The following PBRM1 variants were observed in gnomAD, a reference collection of about 807,000 sequenced individuals.
PBRM1 encodes the protein protein polybromo-1.
In PBRM1, 27 loss-of-function variants were observed where a neutral mutation model predicts 194.5. The observed-to-expected ratio is 0.14, with a 90% confidence interval of 0.10 to 0.19. The LOEUF is 0.19. PBRM1 is among the 10% of genes least tolerant of loss of function. The pLI is 1.00. For synonymous variants in PBRM1, 655 were observed against 693.2 expected (o/e 0.94, Z 0.87); for missense variants, 1,466 against 2,077.2 (o/e 0.71, Z 5.72).
At chr3:52,651,688 T>C in intron 6 of PBRM1, 54 bp downstream of exon 7, 2 of 1,017,874 alleles carry the variant, frequency 2.0e-6, no homozygotes, top group Non-Finnish European at 3.0e-6. Context: ...CTAGGAAAGA[T>C]CATAGGCCAA....
chr3:52,674,713 A>G (rs1488307273), intron 2 of PBRM1, among the ~76,000 whole-genome samples: 1 of 147,810 alleles, frequency 6.8e-6, no homozygotes, highest in Non-Finnish European at 1.5e-5. Context: ...TACATACGTT[A>G]TTTTTTAATA....
intron 11 of PBRM1, among the ~76,000 whole-genome samples, chr3:52,630,238 A>G (rs2095574279): frequency 6.6e-6 from 1 of 151,088 alleles, no homozygotes; most frequent in Non-Finnish European, 1.5e-5. Context: ...GGGGGGACAA[A>G]TCCCAGTACA....
chr3:52,663,066 T>C (rs11130314), intron 3 of PBRM1, among the ~76,000 whole-genome samples: 51,992 of 151,896 alleles, frequency 0.34, 9,915 homozygotes, highest in Admixed American at 0.46. Flanking sequence ...TTGGATGCAA[T>C]GTTCAAAAAA....
intron 17 of PBRM1, among the ~76,000 whole-genome samples, chr3:52,600,210 A>C (rs1039258422): frequency 6.6e-6 from 1 of 152,166 alleles, no homozygotes; most frequent in Non-Finnish European, 1.5e-5. Context: ...CTGGATGTCT[A>C]AATTTCTTGA....
chr3:52,589,487 C>A lies in PBRM1; in HGVS notation c.2780-232G>T, dbSNP rs186096618. On this transcript the variant is annotated intron_variant, in intron 17 of 29. Coordinates refer to ENST00000296302, the Ensembl canonical transcript of PBRM1. The stretch of plus-strand genomic sequence containing the variant: ...ATTAATTTAAATGAATATATAACTA[C>A]ACAAAGGATGTAGAGAATAAAAACA... Among the ~76,000 whole-genome samples, 24 of 152,268 alleles carry A rather than the reference C, an allele frequency of 1.6e-4. No individual in the cohort carries two copies. The East Asian group carries it at 4.2e-3, about 27-fold the overall frequency.
At chr3:52,644,354 C>T (rs13085775) in intron 8 of PBRM1, among the ~76,000 whole-genome samples, 69,182 of 151,812 alleles carry the variant, frequency 0.46, 16,107 homozygotes, top group African/African-American at 0.52. Flanking sequence ...ACCTAGAAAA[C>T]TCAGCAAATA....
intron 1 of PBRM1, among the ~76,000 whole-genome samples, chr3:52,679,281 G>T (rs1391649807): frequency 8.4e-6 from 1 of 119,358 alleles, no homozygotes; most frequent in African/African-American, 3.3e-5. Flanking sequence ...TGTGAAAAAT[G>T]GGCTTGTTTC....
chr3:52,618,935 G>A (rs146458415), intron 13 of PBRM1, among the ~76,000 whole-genome samples: 1 of 152,336 alleles, frequency 6.6e-6, no homozygotes, highest in African/African-American at 2.4e-5. Context: ...ATTTTTCGTA[G>A]ACAGGGTTTC....
At position 52,562,100 on chromosome 3, in the gene PBRM1, T is replaced by G. The variant is rs181897374; in HGVS notation, c.4087-132A>C. On this transcript the variant is annotated intron_variant, in intron 24 of 29. Transcript: ENST00000296302. ...ACTTTGGGGGGCCGAGACAGGTGGATCACAAGGTCAGGAGATTGAGACCAT... is the reference window on the plus strand; with the variant it reads ...ACTTTGGGGGGCCGAGACAGGTGGAGCACAAGGTCAGGAGATTGAGACCAT... 1,008 of 678,700 alleles carry G rather than the reference T, an allele frequency of 1.5e-3. 13 individuals are homozygous for G. In the African/African-American group the frequency reaches 0.017, roughly 11 times the overall value. The allele number at this position is 678,700 out of a possible 1,614,324, so 42.0% of individuals were successfully genotyped here.
intron 10 of PBRM1, among the ~76,000 whole-genome samples, chr3:52,640,151 GA>G (rs2096013209): frequency 6.6e-6 from 1 of 151,982 alleles, no homozygotes; most frequent in Admixed American, 6.6e-5. Context: ...ATCTCTGTTT[GA>G]AAGTCCATCT....
chr3:52,660,783 G>A (rs768967590), intron 4 of PBRM1, among the ~76,000 whole-genome samples: 1 of 152,132 alleles, frequency 6.6e-6, no homozygotes, highest in Non-Finnish European at 1.5e-5. Flanking sequence ...AAAGTGCTGG[G>A]ATTACAGGGG....
chr3:52,639,213 T>G (rs1038565235), intron 10 of PBRM1, among the ~76,000 whole-genome samples: 3 of 152,084 alleles, frequency 2.0e-5, no homozygotes, highest in Admixed American at 2.0e-4. Flanking sequence ...CAACGTCAGG[T>G]GATCTGCCCA....
At chr3:52,551,865 T>C (rs931270432) in intron 27 of PBRM1, 2 of 152,256 alleles carry the variant, frequency 1.3e-5, no homozygotes, top group Admixed American at 1.3e-4. Flanking sequence ...AACTGTTTCA[T>C]GAATTTGCAT....
intron 22 of PBRM1, among the ~76,000 whole-genome samples, chr3:52,570,872 C>T (rs2086866063): frequency 1.3e-5 from 2 of 151,510 alleles, no homozygotes; most frequent in African/African-American, 4.8e-5. Context: ...TGTGCAGGTG[C>T]CCTACACATC....
In PBRM1 at chr3:52,612,244, G is replaced by A. The variant is rs2094662932; in HGVS notation, c.1925-2289C>T. On this transcript the variant is annotated intron_variant, in intron 15 of 29. Coordinates refer to ENST00000296302, the Ensembl canonical transcript of PBRM1. ...CACTGACTCCAGCCTAGGCAACAGA[G>A]CGAGATTCCGTCTCAAAAAAAAAAA... Among the ~76,000 whole-genome samples the A allele has an allele frequency of 4.6e-5, 3 of 64,924 alleles. 1 individual carries two copies. The South Asian group carries it at 1.1e-3, about 25-fold the overall frequency. 42.6% of individuals were successfully genotyped at this position (64,924 alleles called of 152,430 possible). A position where few individuals can be genotyped will look rare whatever the true frequency, so the allele number is the denominator to read the frequency against.
chr3:52,557,963 T>C (rs1211991946), intron 26 of PBRM1, among the ~76,000 whole-genome samples: 1 of 152,226 alleles, frequency 6.6e-6, no homozygotes, highest in Non-Finnish European at 1.5e-5. Context: ...TCTGCTATAG[T>C]GCTCTATCAA....
chr3:52,576,721 T>A (rs765028876), intron 21 of PBRM1, 23 bp from the exon 24 acceptor site: 1 of 1,557,888 alleles, frequency 6.4e-7, no homozygotes, highest in East Asian at 2.3e-5. Flanking sequence ...AATATATAAA[T>A]TACATTAAAA....
At chr3:52,618,487 C>T (rs756298413) in intron 13 of PBRM1, among the ~76,000 whole-genome samples, 8 of 151,886 alleles carry the variant, frequency 5.3e-5, no homozygotes, top group African/African-American at 9.7e-5. Flanking sequence ...ACTCAGGGCA[C>T]GGCTAAAGAA....
intron 21 of PBRM1, among the ~76,000 whole-genome samples, chr3:52,578,755 G>C (rs2090341657): frequency 1.3e-5 from 2 of 152,170 alleles, no homozygotes; most frequent in Non-Finnish European, 1.5e-5. Context: ...ATTCTGCAGT[G>C]GACAGGAAAG....
Sources: allele counts gnomAD v4.1 joint callset (sites outside exome capture counted in the v4.1 genomes callset), GRCh38; gene constraint gnomAD v4.1.1; transcripts MANE v1.5; gene names NCBI Gene and HGNC (gene_info 2026-07-23, HGNC 2026-07-21).